Variants in NXPH1 observed in about 807,000 individuals in gnomAD.
The protein encoded by NXPH1 is neurexophilin-1.
NXPH1 carries 5 observed loss-of-function variants against 23.7 expected under a neutral mutation model. The ratio of observed to expected loss-of-function variants is 0.21; its 90% CI spans 0.11 to 0.44. The LOEUF is 0.44. Ranked by LOEUF, NXPH1 falls within the 20% of genes least tolerant of loss-of-function variation. The probability of loss-of-function intolerance (pLI) is 0.99; values close to 1 mark genes in which losing one functional copy is unlikely to be tolerated. For synonymous variants in NXPH1, 144 were observed against 122.2 expected, an observed-to-expected ratio of 1.18 and a Z score of -1.18; for missense variants, 324 against 321.6, an observed-to-expected ratio of 1.01 and a Z score of -0.06.
At chr7:8,677,181 A>G (rs552325038) in intron 2 of NXPH1, among the ~76,000 whole-genome samples, 1 of 152,302 alleles carries the variant, frequency 6.6e-6, no homozygotes, top group Admixed American at 6.5e-5. Flanking sequence ...ATAATTATAA[A>G]GGGCAGTTTT....
Position 8,547,543 on chromosome 7 carries a change from G to A in NXPH1, c.54+111776G>A, listed in dbSNP as rs151233105. Among the ~76,000 whole-genome samples, 54 of 151,350 alleles carry A rather than the reference G, an allele frequency of 3.6e-4. No homozygotes were observed. The East Asian group carries it at 0.01, about 28-fold the overall frequency. ...GGTACAGGTACAGGTTTGTTTCATG[G>A]GTATATTGCATACCGAAGGGGATTA... On this transcript the variant is annotated intron_variant, in intron 2 of 2. Transcript: ENST00000405863.
chr7:8,538,274 C>T (rs770635806), intron 2 of NXPH1, among the ~76,000 whole-genome samples: 2 of 151,886 alleles, frequency 1.3e-5, no homozygotes, highest in Non-Finnish European at 2.9e-5. Flanking sequence ...TTCCTTAAGG[C>T]ATACAAGCCA....
chr7:8,633,733 A>C (rs1025331211), intron 2 of NXPH1, among the ~76,000 whole-genome samples: 3 of 152,222 alleles, frequency 2.0e-5, no homozygotes, highest in African/African-American at 7.2e-5. Context: ...ATGGTTCATC[A>C]AGCTGAACCT....
intron 2 of NXPH1, among the ~76,000 whole-genome samples, chr7:8,661,338 C>T (rs909601818): frequency 6.6e-6 from 1 of 152,146 alleles, no homozygotes; most frequent in African/African-American, 2.4e-5. Context: ...CCTGTGCCTA[C>T]TGATTCTTAA....
Position 8,672,437 on chromosome 7 carries a change from T to C in NXPH1, c.55-78571T>C, listed in dbSNP as rs892992364. The stretch of plus-strand genomic sequence containing the variant: ...TATACATATGTAACTAACCTGCACA[T>C]TGTGCACATGTACCCTAAAACTTAA... On this transcript the variant is annotated intron_variant, in intron 2 of 2. Coordinates refer to ENST00000405863, the MANE Select transcript of NXPH1 (RefSeq NM_152745.3). Among the ~76,000 whole-genome samples the C allele has an allele frequency of 2.0e-5, 3 of 151,824 alleles. No homozygotes were observed. The East Asian group carries it at 5.8e-4, about 29-fold the overall frequency.
intron 2 of NXPH1, among the ~76,000 whole-genome samples, chr7:8,695,425 G>GT (rs951913809): frequency 6.6e-6 from 1 of 151,818 alleles, no homozygotes; most frequent in Non-Finnish European, 1.5e-5. Context: ...GAGTTATTAT[G>GT]TTTTTTTTCC....
intron 2 of NXPH1, among the ~76,000 whole-genome samples, chr7:8,462,593 T>C (rs181241165): frequency 2.5e-4 from 38 of 152,322 alleles, no homozygotes; most frequent in African/African-American, 9.1e-4. Flanking sequence ...TGCTCTTAAC[T>C]GCTAAGCTAT....
chr7:8,721,392 A>G (rs1779967515), intron 2 of NXPH1, among the ~76,000 whole-genome samples: 1 of 152,226 alleles, frequency 6.6e-6, no homozygotes, highest in African/African-American at 2.4e-5. Context: ...TAAAAAAATA[A>G]AAATCTAAAT....
chr7:8,647,344 A>T (rs1249407389), intron 2 of NXPH1, among the ~76,000 whole-genome samples: 1 of 152,148 alleles, frequency 6.6e-6, no homozygotes, highest in Non-Finnish European at 1.5e-5. Flanking sequence ...CAGACCACTC[A>T]TGCCCAGCCC....
At chr7:8,602,192 G>C (rs1040128687) in intron 2 of NXPH1, among the ~76,000 whole-genome samples, 3 of 152,114 alleles carry the variant, frequency 2.0e-5, no homozygotes, top group Non-Finnish European at 4.4e-5. Flanking sequence ...TAATATTTTG[G>C]TGTTATATGC....
Position 8,751,047 on chromosome 7 carries a change from C to G in NXPH1, c.94C>G (p.Leu32Val). The G allele has an allele frequency of 6.2e-7, 1 of 1,613,796 alleles. No homozygotes were observed. The highest frequency in any genetic ancestry group is 8.5e-7 in the Non-Finnish European group (1 of 1,179,760). ...TTTAACGAACGGTGGAAAGTCAGAA[C>G]TTCTGAAATCAGGAAGCAGCAAATC... is the stretch of plus-strand genomic sequence containing the variant. ...ANLTNGGKSE[L>V]LKSGSSKSTL... The change falls in exon 3 of 3, where the codon CTT (leucine) becomes GTT (valine). Residue 32 changes from leucine to valine, a missense_variant. Leu to Val is a conservative substitution (Grantham distance 32, BLOSUM62 1). Coordinates refer to ENST00000405863, the MANE Select transcript of NXPH1 (RefSeq NM_152745.3). This position sits in a 1 kb window ranked among gnomAD's most constrained non-coding sequence, Gnocchi z 4.5.
intron 2 of NXPH1, among the ~76,000 whole-genome samples, chr7:8,468,322 G>T (rs1816817053): frequency 6.6e-6 from 1 of 152,076 alleles, no homozygotes. Flanking sequence ...AGTTTAGACA[G>T]TTGAAGGGGA....
rs113473603 is a variant in NXPH1, at chr7:8,621,490, C to CTTTTTTTTTTTTTTTTTTTTTT, written c.55-129504_55-129503insTTTTTTTTTTTTTTTTTTTTTT. Among the ~76,000 whole-genome samples the CTTTTTTTTTTTTTTTTTTTTTT allele has an allele frequency of 9.4e-4, 132 of 140,166 alleles. 3 individuals are homozygous for CTTTTTTTTTTTTTTTTTTTTTT. Among genetic ancestry groups the CTTTTTTTTTTTTTTTTTTTTTT allele is most frequent in the Admixed American group, 5.0e-3 (66 of 13,270 alleles). The allele number at this position is 140,166 out of a possible 152,430, so 92.0% of individuals were successfully genotyped here. ...GAGAAACAATAACATGCTAGCCACT[C>CTTTTTTTTTTTTTTTTTTTTTT]TTTTTTTTTTTTTTGAGGTGAAGTT... On this transcript the variant is annotated intron_variant, in intron 2 of 2. Coordinates refer to ENST00000405863, the MANE Select transcript of NXPH1 (RefSeq NM_152745.3).
chr7:8,695,845 A>G (rs1004788687), intron 2 of NXPH1, among the ~76,000 whole-genome samples: 1 of 152,228 alleles, frequency 6.6e-6, no homozygotes, highest in Non-Finnish European at 1.5e-5. Context: ...AACTGAGATT[A>G]AACGTGGTTC....
At chr7:8,704,275 C>T (rs1262019975) in intron 2 of NXPH1, among the ~76,000 whole-genome samples, 1 of 152,058 alleles carries the variant, frequency 6.6e-6, no homozygotes, top group Admixed American at 6.6e-5. Context: ...ACTTCTGTGG[C>T]ATACTATGAA....
intron 2 of NXPH1, among the ~76,000 whole-genome samples, chr7:8,599,040 G>T (rs952777296): frequency 4.6e-5 from 7 of 152,108 alleles, no homozygotes; most frequent in Non-Finnish European, 1.0e-4. Flanking sequence ...AATCAGCCAG[G>T]GACCCTCTTT....
rs559407610 is a variant in NXPH1 at position 8,435,958 on chromosome 7, G to C, written c.54+191G>C. On this transcript the variant is annotated intron_variant, in intron 2 of 2. Transcript: ENST00000405863. The surrounding 1 kb of genome is among the most constrained non-coding windows in gnomAD (Gnocchi z 5.9). ...TTCCGGGGTTCCCACCCCATTTTCT[G>C]CTCCAATCCCCCAGTCTCCTGCGCG... Among the ~76,000 whole-genome samples the C allele has an allele frequency of 6.6e-6, 1 of 152,168 alleles. No individual in the cohort carries two copies. Among genetic ancestry groups the C allele is most frequent in the Non-Finnish European group, 1.5e-5 (1 of 68,036 alleles).
chr7:8,610,032 G>C (rs1481035945), intron 2 of NXPH1, among the ~76,000 whole-genome samples: 1 of 152,056 alleles, frequency 6.6e-6, no homozygotes, highest in Non-Finnish European at 1.5e-5. Flanking sequence ...TGATTTATTT[G>C]CTTGCTAGAG....
chr7:8,612,830 AT>A (rs1009708089), intron 2 of NXPH1, among the ~76,000 whole-genome samples: 3 of 151,976 alleles, frequency 2.0e-5, no homozygotes, highest in African/African-American at 7.2e-5. Context: ...ACTTATTGCT[AT>A]TGCTGATATT....
Sources: allele counts gnomAD v4.1 joint callset (sites outside exome capture counted in the v4.1 genomes callset), GRCh38; gene constraint gnomAD v4.1.1; non-coding constraint Gnocchi (gnomAD v3.1); transcripts MANE v1.5; gene names NCBI Gene and HGNC (gene_info 2026-07-23, HGNC 2026-07-21).